Variants in DRC11 observed in about 807,000 individuals in gnomAD.
The protein encoded by DRC11 is dynein regulatory complex subunit 11.
the DRC11 span, among the ~76,000 whole-genome samples, chr2:236,387,491 C>T: frequency 1.3e-5 from 2 of 151,374 alleles, no homozygotes; most frequent in African/African-American, 4.8e-5. Flanking sequence ...CAACCCCTGC[C>T]TTTTTTTGTT....
At chr2:236,372,096 T>G in the DRC11 span, among the ~76,000 whole-genome samples, 1 of 152,220 alleles carries the variant, frequency 6.6e-6, no homozygotes, top group Admixed American at 6.5e-5. This position sits in a 1 kb window ranked among gnomAD's most constrained non-coding sequence, Gnocchi z 4.5. Context: ...TTGCCAGAGG[T>G]GCTTTCGACC....
the DRC11 span, among the ~76,000 whole-genome samples, chr2:236,425,912 C>A: frequency 1.3e-4 from 19 of 151,986 alleles, 1 homozygote; most frequent in African/African-American, 4.6e-4. Flanking sequence ...ATTGTGTGTT[C>A]TTGACACCTT....
At chr2:236,437,703 C>A in the DRC11 span, among the ~76,000 whole-genome samples, 1 of 151,852 alleles carries the variant, frequency 6.6e-6, no homozygotes, top group Non-Finnish European at 1.5e-5. Flanking sequence ...TGATGCTGAG[C>A]ATTTTTTCAT....
the DRC11 span, among the ~76,000 whole-genome samples, chr2:236,399,853 C>A: frequency 6.6e-6 from 1 of 152,144 alleles, no homozygotes; most frequent in South Asian, 2.1e-4. This position sits in a 1 kb window ranked among gnomAD's most constrained non-coding sequence, Gnocchi z 7.0. Context: ...GTAGCTGGGA[C>A]TGCAGGTGTG....
the DRC11 span, among the ~76,000 whole-genome samples, chr2:236,394,596 C>T: frequency 1.8e-4 from 27 of 150,544 alleles, no homozygotes; most frequent in Non-Finnish European, 3.2e-4. This position sits in a 1 kb window ranked among gnomAD's most constrained non-coding sequence, Gnocchi z 7.0. Flanking sequence ...CCAGCCTAGG[C>T]GACAGAGCGA....
At chr2:236,383,538 GA>G in the DRC11 span, among the ~76,000 whole-genome samples, 1 of 150,780 alleles carries the variant, frequency 6.6e-6, no homozygotes, top group Non-Finnish European at 1.5e-5. Context: ...GGTTATTTGA[GA>G]TTGTTCTTTT....
chr2:236,382,610 A>T, the DRC11 span, among the ~76,000 whole-genome samples: 1 of 152,196 alleles, frequency 6.6e-6, no homozygotes, highest in African/African-American at 2.4e-5. Flanking sequence ...ATCTGCTTTG[A>T]TTTCTTTACT....
the DRC11 span, among the ~76,000 whole-genome samples, chr2:236,328,708 T>C: frequency 6.6e-6 from 1 of 152,214 alleles, no homozygotes; most frequent in Non-Finnish European, 1.5e-5. The surrounding 1 kb of genome is among the most constrained non-coding windows in gnomAD (Gnocchi z 6.7). Flanking sequence ...GAGGTGGCCA[T>C]GTACTTAAGG....
the DRC11 span, among the ~76,000 whole-genome samples, chr2:236,426,641 A>G: frequency 6.6e-6 from 1 of 152,216 alleles, no homozygotes; most frequent in African/African-American, 2.4e-5. The surrounding 1 kb of genome is among the most constrained non-coding windows in gnomAD (Gnocchi z 4.1). Flanking sequence ...ACCTGTGCTA[A>G]AGTGATCCTC....
chr2:236,406,335 T>C, the DRC11 span, among the ~76,000 whole-genome samples: 1 of 152,252 alleles, frequency 6.6e-6, no homozygotes, highest in Non-Finnish European at 1.5e-5. The surrounding 1 kb of genome is among the most constrained non-coding windows in gnomAD (Gnocchi z 4.7). Context: ...ATGGAGGTTT[T>C]GTTGAAAATT....
chr2:236,324,388 G>C, the DRC11 span: 11 of 282,562 alleles, frequency 3.9e-5, no homozygotes, highest in Non-Finnish European at 6.8e-5. The surrounding 1 kb of genome is among the most constrained non-coding windows in gnomAD (Gnocchi z 5.7). Flanking sequence ...ACTGTGGAGG[G>C]TGTCAAGAGT....
the DRC11 span, among the ~76,000 whole-genome samples, chr2:236,504,418 G>A: frequency 2.6e-5 from 4 of 152,164 alleles, no homozygotes; most frequent in Non-Finnish European, 5.9e-5. The surrounding 1 kb of genome is among the most constrained non-coding windows in gnomAD (Gnocchi z 5.0). Context: ...ATTCCTGTGC[G>A]AGTTTCTGCG....
the DRC11 span, chr2:236,368,712 G>T: frequency 6.1e-6 from 1 of 162,614 alleles, no homozygotes; most frequent in Non-Finnish European, 1.4e-5. Flanking sequence ...TTATAAATAA[G>T]TTATTTAAGA....
chr2:236,389,346 G>A, the DRC11 span, among the ~76,000 whole-genome samples: 1 of 152,246 alleles, frequency 6.6e-6, no homozygotes, highest in Non-Finnish European at 1.5e-5. Context: ...GGAGCCAGGT[G>A]CCGGATATAA....
chr2:236,475,495 A>G, the DRC11 span, among the ~76,000 whole-genome samples: 1,273 of 152,254 alleles, frequency 8.4e-3, 9 homozygotes, highest in Non-Finnish European at 0.011. The surrounding 1 kb of genome is among the most constrained non-coding windows in gnomAD (Gnocchi z 4.8). Context: ...ATATGCACTC[A>G]ATAGTGAGAT....
the DRC11 span, among the ~76,000 whole-genome samples, chr2:236,481,925 A>C: frequency 9.4e-5 from 14 of 148,966 alleles, no homozygotes; most frequent in Non-Finnish European, 1.5e-4. Flanking sequence ...TCTACATATT[A>C]TATGTATAAT....
At chr2:236,380,107 G>A in the DRC11 span, among the ~76,000 whole-genome samples, 4 of 152,058 alleles carry the variant, frequency 2.6e-5, no homozygotes, top group African/African-American at 9.7e-5. The surrounding 1 kb of genome is among the most constrained non-coding windows in gnomAD (Gnocchi z 4.9). Flanking sequence ...GAATTCATTC[G>A]TCCTGCACTG....
the DRC11 span, chr2:236,419,128 A>C: frequency 6.6e-7 from 1 of 1,510,640 alleles, no homozygotes; most frequent in Non-Finnish European, 8.8e-7. This position sits in a 1 kb window ranked among gnomAD's most constrained non-coding sequence, Gnocchi z 4.8. Context: ...AAATTTCTAA[A>C]ATTTCATACA....
At chr2:236,451,729 G>C in the DRC11 span, among the ~76,000 whole-genome samples, 1 of 152,136 alleles carries the variant, frequency 6.6e-6, no homozygotes, top group Admixed American at 6.5e-5. Flanking sequence ...CTTTACACCC[G>C]ATAAAGAAGC....
Sources: allele counts gnomAD v4.1 joint callset (sites outside exome capture counted in the v4.1 genomes callset), GRCh38; gene constraint gnomAD v4.1.1; non-coding constraint Gnocchi (gnomAD v3.1); transcripts MANE v1.5; gene names NCBI Gene and HGNC (gene_info 2026-07-23, HGNC 2026-07-21).